Variants in RPS6KA5 observed in about 807,000 individuals in gnomAD.
RPS6KA5 encodes the protein ribosomal protein S6 kinase alpha-5.
In RPS6KA5, 27 loss-of-function variants were observed where a neutral mutation model predicts 85.5. That is an observed-to-expected ratio of 0.32 (90% CI 0.23 to 0.44). RPS6KA5 has a LOEUF of 0.44. Among genes scored for constraint, RPS6KA5 ranks in the 20% least tolerant of loss-of-function variants. The pLI is 1.00. For missense variants in RPS6KA5, 811 were observed against 980.9 expected, an observed-to-expected ratio of 0.83 and a Z score of 2.31; for synonymous variants, 334 against 348.2, an observed-to-expected ratio of 0.96 and a Z score of 0.46.
At chr14:90,973,776 C>T (rs1200507280) in intron 3 of RPS6KA5, among the ~76,000 whole-genome samples, 1 of 152,096 alleles carries the variant, frequency 6.6e-6, no homozygotes, top group Non-Finnish European at 1.5e-5. Flanking sequence ...GTGGTTCACG[C>T]CTGTAATCCC....
chr14:90,888,391 A>G (rs2034357654), intron 14 of RPS6KA5, among the ~76,000 whole-genome samples: 1 of 152,180 alleles, frequency 6.6e-6, no homozygotes, highest in Non-Finnish European at 1.5e-5. Context: ...TCTCTTTTTT[A>G]TTTAGATTAA....
intron 1 of RPS6KA5, among the ~76,000 whole-genome samples, chr14:91,051,552 G>A (rs988284801): frequency 6.6e-6 from 1 of 151,916 alleles, no homozygotes; most frequent in Non-Finnish European, 1.5e-5. Context: ...GCAATGGTGC[G>A]ATCGCAGCTC....
intron 1 of RPS6KA5, among the ~76,000 whole-genome samples, chr14:91,003,478 C>A (rs1185115803): frequency 6.6e-6 from 1 of 152,108 alleles, no homozygotes; most frequent in Non-Finnish European, 1.5e-5. Context: ...AATCTACTAC[C>A]TCTATTATTT....
Position 90,906,534 on chromosome 14 carries a change from AG to A in RPS6KA5, c.807-236del, listed in dbSNP as rs147202383. 5.7e-3 allele frequency among the ~76,000 whole-genome samples: 863 copies of A among 152,302 alleles called. 10 individuals are homozygous for A. Among genetic ancestry groups the A allele is most frequent in the South Asian group, 0.016 (76 of 4,822 alleles). ...AATGTTGGCTCATTTTTTCAGTATAAGTCAATCCTGGTGGGAGGCTAACATC... is the reference window on the plus strand; with the variant it reads ...AATGTTGGCTCATTTTTTCAGTATAATCAATCCTGGTGGGAGGCTAACATC... On this transcript the variant is annotated intron_variant, in intron 7 of 16. Transcript: ENST00000614987.
At chr14:90,925,013 CA>C (rs1364692549) in intron 5 of RPS6KA5, among the ~76,000 whole-genome samples, 1 of 152,128 alleles carries the variant, frequency 6.6e-6, no homozygotes, top group Non-Finnish European at 1.5e-5. Flanking sequence ...TTAATGCTGG[CA>C]AATCTCCACA....
At chr14:91,031,199 C>G (rs912534973) in intron 1 of RPS6KA5, among the ~76,000 whole-genome samples, 1 of 152,086 alleles carries the variant, frequency 6.6e-6, no homozygotes, top group Non-Finnish European at 1.5e-5. Context: ...TCATTAGAAG[C>G]TAGAAGACAA....
At chr14:91,004,720 C>A (rs2040936289) in intron 1 of RPS6KA5, among the ~76,000 whole-genome samples, 1 of 151,910 alleles carries the variant, frequency 6.6e-6, no homozygotes, top group Non-Finnish European at 1.5e-5. Flanking sequence ...GTAATCCCAA[C>A]ACTTTGGGAG....
chr14:90,957,452 T>C (rs1246128003), intron 3 of RPS6KA5, among the ~76,000 whole-genome samples: 1 of 152,226 alleles, frequency 6.6e-6, no homozygotes, highest in East Asian at 1.9e-4. Context: ...GCCTCCAATG[T>C]TGCTCCTCAG....
intron 3 of RPS6KA5, among the ~76,000 whole-genome samples, chr14:90,954,153 C>T (rs1416167647): frequency 2.0e-5 from 3 of 152,320 alleles, no homozygotes; most frequent in African/African-American, 4.8e-5. Flanking sequence ...ATTTCTCAGC[C>T]AGTCAACACT....
chr14:90,936,904 GA>G (rs2037289149), intron 5 of RPS6KA5, among the ~76,000 whole-genome samples: 1 of 152,116 alleles, frequency 6.6e-6, no homozygotes, highest in Non-Finnish European at 1.5e-5. Flanking sequence ...CTTCTGTTTT[GA>G]AAATGTTCAG....
At chr14:90,993,254 A>T (rs1399487298) in intron 2 of RPS6KA5, among the ~76,000 whole-genome samples, 1 of 152,206 alleles carries the variant, frequency 6.6e-6, no homozygotes, top group Admixed American at 6.5e-5. Flanking sequence ...GGCCTGGCTA[A>T]TATGGTGAAA....
chr14:91,046,746 T>C lies in RPS6KA5; in HGVS notation c.103+13586A>G, dbSNP rs912544962. On this transcript the variant is annotated intron_variant, in intron 1 of 16. Coordinates refer to ENST00000614987, the MANE Select transcript of RPS6KA5 (RefSeq NM_004755.4). ...TTTACCTCTAGCATTCTTTTAAGTATGCCCCCATTTTATTGTTTATCATTA... is the reference window on the plus strand; with the variant it reads ...TTTACCTCTAGCATTCTTTTAAGTACGCCCCCATTTTATTGTTTATCATTA... Among the ~76,000 whole-genome samples, 3 of 151,874 alleles carry C rather than the reference T, an allele frequency of 2.0e-5. No individual in the cohort carries two copies. In the South Asian group the frequency reaches 6.2e-4, roughly 31 times the overall value.
chr14:90,925,129 C>T (rs2036589211), intron 5 of RPS6KA5, among the ~76,000 whole-genome samples: 1 of 152,124 alleles, frequency 6.6e-6, no homozygotes, highest in South Asian at 2.1e-4. Context: ...TCCTGGGTGC[C>T]AGCCAGGAAG....
At chr14:91,045,464 G>A (rs953271260) in intron 1 of RPS6KA5, among the ~76,000 whole-genome samples, 5 of 152,038 alleles carry the variant, frequency 3.3e-5, no homozygotes, top group East Asian at 3.9e-4. Context: ...GGGTTTCGCC[G>A]TGTTGGCCAG....
At chr14:90,964,398 C>A (rs2038956253) in intron 3 of RPS6KA5, among the ~76,000 whole-genome samples, 1 of 152,056 alleles carries the variant, frequency 6.6e-6, no homozygotes, top group African/African-American at 2.4e-5. Context: ...TGTCTGATAA[C>A]AAATAAGTAC....
intron 1 of RPS6KA5, among the ~76,000 whole-genome samples, chr14:91,026,127 T>C (rs927689757): frequency 6.6e-6 from 1 of 152,244 alleles, no homozygotes; most frequent in Non-Finnish European, 1.5e-5. Flanking sequence ...AATTCTCTTC[T>C]AGTATAATGG....
At chr14:91,020,638 G>GTGTGTGTT (rs1555378452) in intron 1 of RPS6KA5, among the ~76,000 whole-genome samples, 6 of 149,314 alleles carry the variant, frequency 4.0e-5, no homozygotes, top group African/African-American at 1.0e-4. Context: ...GTGTGTGTGT[G>GTGTGTGTT]TGTGTGTGTG....
At chr14:90,925,941 C>CAAAAAAAAAAAAAAAAAAA (rs71117389) in intron 5 of RPS6KA5, among the ~76,000 whole-genome samples, 13 of 73,496 alleles carry the variant, frequency 1.8e-4, no homozygotes, top group Non-Finnish European at 2.0e-4. Context: ...GACCCTGACT[C>CAAAAAAAAAAAAAAAAAAA]AAAAAAAAAA....
At position 90,855,031 on chromosome 14, in the gene RPS6KA5, T is replaced by C. The variant is rs1383258612; in HGVS notation, c.*17043A>G. 6.6e-6 allele frequency: 1 copy of C among 152,220 alleles called. No homozygotes were observed. Among genetic ancestry groups the C allele is most frequent in the Non-Finnish European group, 1.5e-5 (1 of 68,034 alleles). The allele number at this position is 152,220 out of a possible 1,614,324, so 9.4% of individuals were successfully genotyped here. ...AATCGATTTTTTTCAATACATTTCA[T>C]CTCTTTGCTTTGCCAGGAACAAAGT... On this transcript the variant is annotated 3_prime_UTR_variant, in exon 17 of 17. Coordinates refer to ENST00000614987, the MANE Select transcript of RPS6KA5 (RefSeq NM_004755.4).
Sources: allele counts gnomAD v4.1 joint callset (sites outside exome capture counted in the v4.1 genomes callset), GRCh38; gene constraint gnomAD v4.1.1; transcripts MANE v1.5; gene names NCBI Gene and HGNC (gene_info 2026-07-23, HGNC 2026-07-21).